Variants in CSMD1 observed in about 807,000 individuals in gnomAD.
CSMD1 encodes the protein CUB and sushi domain-containing protein 1.
A neutral mutation model predicts 417.5 loss-of-function variants in CSMD1; 213 were observed. The observed-to-expected ratio is 0.51, with a 90% confidence interval of 0.46 to 0.57. The LOEUF is 0.57. Among genes scored for constraint, CSMD1 ranks in the 20% least tolerant of loss-of-function variants. CSMD1 has a pLI of 0.00. For missense variants in CSMD1, 6,923 were observed against 4,529.7 expected (o/e 1.53, Z -15.17); for synonymous variants, 2,862 against 1,736.8 (o/e 1.65, Z -16.11).
intron 5 of CSMD1, among the ~76,000 whole-genome samples, chr8:3,956,754 T>C (rs147441109): frequency 2.2e-3 from 334 of 152,210 alleles, no homozygotes; most frequent in African/African-American, 7.7e-3. Flanking sequence ...TTAGCCCAAC[T>C]CCAAAGCTTA....
rs73661607 is a variant in CSMD1 at position 3,647,488 on chromosome 8, T to C, written c.1010-30691A>G. ...GAAAAATACAGCATAAAAAGAAATA[T>C]AGCACAGAGAGAAGTATATCAGAGA... On this transcript the variant is annotated intron_variant, in intron 7 of 69. Transcript: ENST00000635120. 8.7e-3 allele frequency among the ~76,000 whole-genome samples: 1,323 copies of C among 151,748 alleles called. 18 individuals carry two copies. Among genetic ancestry groups the C allele is most frequent in the African/African-American group, 0.03 (1,257 of 41,354 alleles).
chr8:3,949,075 T>G (rs963293116), intron 5 of CSMD1, among the ~76,000 whole-genome samples: 1 of 152,068 alleles, frequency 6.6e-6, no homozygotes, highest in Non-Finnish European at 1.5e-5. Flanking sequence ...CTATTTTTAA[T>G]TAATAAATAC....
chr8:3,213,779 ATG>A (rs960772282), intron 30 of CSMD1, among the ~76,000 whole-genome samples: 4 of 150,578 alleles, frequency 2.7e-5, no homozygotes, highest in African/African-American at 9.8e-5. Flanking sequence ...GTGTGTGTGT[ATG>A]TATATATATG....
chr8:3,121,273 CTTTA>C (rs1186229138), intron 41 of CSMD1, among the ~76,000 whole-genome samples: 1 of 152,104 alleles, frequency 6.6e-6, no homozygotes, highest in Non-Finnish European at 1.5e-5. Flanking sequence ...AAAAAAAATC[CTTTA>C]TTTAACCTTT....
At chr8:4,926,449 T>A (rs1806879294) in intron 1 of CSMD1, among the ~76,000 whole-genome samples, 1 of 152,344 alleles carries the variant, frequency 6.6e-6, no homozygotes, top group East Asian at 1.9e-4. Context: ...GGCGCTTGCA[T>A]CTACTAGAAG....
intron 3 of CSMD1, among the ~76,000 whole-genome samples, chr8:4,305,321 A>C (rs991640683): frequency 2.6e-5 from 4 of 152,120 alleles, no homozygotes; most frequent in Admixed American, 6.5e-5. Flanking sequence ...GGCCGCCACA[A>C]AGCCAGGCAG....
intron 1 of CSMD1, among the ~76,000 whole-genome samples, chr8:4,643,350 G>C (rs573610715): frequency 6.6e-6 from 1 of 152,262 alleles, no homozygotes; most frequent in Non-Finnish European, 1.5e-5. Flanking sequence ...GTGTAAACGA[G>C]AACTTGATTA....
At chr8:4,437,022 T>G (rs2129640057) in intron 2 of CSMD1, among the ~76,000 whole-genome samples, 1 of 152,286 alleles carries the variant, frequency 6.6e-6, no homozygotes, top group Middle Eastern at 3.4e-3. Context: ...TCTCTATCCC[T>G]GAGATTGAGA....
Position 3,971,509 on chromosome 8 carries a change from C to T in CSMD1, c.818+26394G>A, listed in dbSNP as rs147821285. On this transcript the variant is annotated intron_variant, in intron 5 of 69. Transcript: ENST00000635120. ...AATCTATGTGATAAATCAGAACTCCCGAATCTATGATTAAATTTTAAATAT... is the reference window on the plus strand; with the variant it reads ...AATCTATGTGATAAATCAGAACTCCTGAATCTATGATTAAATTTTAAATAT... Among the ~76,000 whole-genome samples, 11 of 152,116 alleles carry T rather than the reference C, an allele frequency of 7.2e-5. No individual in the cohort carries two copies. The East Asian group carries it at 1.7e-3, about 24-fold the overall frequency.
intron 5 of CSMD1, among the ~76,000 whole-genome samples, chr8:3,834,769 G>C (rs1406009893): frequency 1.3e-5 from 2 of 151,944 alleles, no homozygotes; most frequent in Non-Finnish European, 2.9e-5. Context: ...GGAATAGGAA[G>C]AGCTCAAGGC....
intron 3 of CSMD1, among the ~76,000 whole-genome samples, chr8:4,418,976 C>T (rs1797100361): frequency 6.6e-6 from 1 of 152,176 alleles, no homozygotes; most frequent in African/African-American, 2.4e-5. Context: ...AGAGAACCTT[C>T]TACACTGTAA....
chr8:3,278,762 G>A (rs1385393574), intron 26 of CSMD1: 1 of 152,102 alleles, frequency 6.6e-6, no homozygotes, highest in African/African-American at 2.4e-5. Flanking sequence ...GGGTGTGATG[G>A]ACAGGCTGTT....
intron 10 of CSMD1, among the ~76,000 whole-genome samples, chr8:3,500,904 T>G (rs1170555397): frequency 6.6e-6 from 1 of 152,190 alleles, no homozygotes; most frequent in East Asian, 1.9e-4. Context: ...TAAGAATGTG[T>G]CAGAGAGGAT....
chr8:2,999,830 G>C (rs1479471818), intron 53 of CSMD1, 128 bp downstream of exon 53: 6 of 777,664 alleles, frequency 7.7e-6, no homozygotes, highest in Non-Finnish European at 9.7e-6. Flanking sequence ...TCTTTGTATA[G>C]GCAAAACTGA....
chr8:4,741,713 C>A (rs1418421519), intron 1 of CSMD1, among the ~76,000 whole-genome samples: 1 of 152,122 alleles, frequency 6.6e-6, no homozygotes, highest in African/African-American at 2.4e-5. Flanking sequence ...TCCAGGTTCC[C>A]ACATCCCTGA....
At chr8:4,040,556 C>T (rs1329331848) in intron 3 of CSMD1, among the ~76,000 whole-genome samples, 1 of 152,144 alleles carries the variant, frequency 6.6e-6, no homozygotes, top group Non-Finnish European at 1.5e-5. Flanking sequence ...GTGATTAGAT[C>T]TACGGTGTTC....
intron 3 of CSMD1, among the ~76,000 whole-genome samples, chr8:4,199,789 G>C (rs918939406): frequency 2.0e-5 from 3 of 152,100 alleles, no homozygotes; most frequent in Non-Finnish European, 2.9e-5. Context: ...ATGCTGTTTA[G>C]ATAGAAAATC....
At chr8:3,013,120 G>A (rs973266759) in intron 52 of CSMD1, among the ~76,000 whole-genome samples, 2 of 152,174 alleles carry the variant, frequency 1.3e-5, no homozygotes, top group Admixed American at 6.5e-5. Context: ...GCTCAGGTAT[G>A]TCTTTCTTAG....
At chr8:4,855,533 G>T (rs1028689447) in intron 1 of CSMD1, among the ~76,000 whole-genome samples, 1 of 152,018 alleles carries the variant, frequency 6.6e-6, no homozygotes, top group Non-Finnish European at 1.5e-5. Context: ...TTAGAAGAAT[G>T]TATAACTAGA....
Sources: allele counts gnomAD v4.1 joint callset (sites outside exome capture counted in the v4.1 genomes callset), GRCh38; gene constraint gnomAD v4.1.1; transcripts MANE v1.5; gene names NCBI Gene and HGNC (gene_info 2026-07-23, HGNC 2026-07-21).